ZC4H2: variants seen among roughly 807,000 people sequenced by gnomAD.
The protein encoded by ZC4H2 is zinc finger C4H2 domain-containing protein.
For synonymous variants in ZC4H2, 84 were observed against 66.3 expected, an observed-to-expected ratio of 1.27 and a Z score of -1.30; for missense variants, 137 against 173.9, an observed-to-expected ratio of 0.79 and a Z score of 1.19.
chrX:64,976,632 T>C (rs1389373680), upstream of ZC4H2: 7 of 399,393 alleles, frequency 1.8e-5, no homozygotes, highest in Non-Finnish European at 3.1e-5. Flanking sequence ...TAAATCAATT[T>C]GTTATAGATA....
At chrX:64,928,476 G>T (rs1929531062) in intron 1 of ZC4H2, among the ~76,000 whole-genome samples, 1 of 111,518 alleles carries the variant, frequency 9.0e-6, no homozygotes, top group Non-Finnish European at 1.9e-5. Context: ...TGTTCCATTG[G>T]TCTATATATC....
chrX:64,934,211 T>A (rs977236421), intron 1 of ZC4H2, among the ~76,000 whole-genome samples: 1 of 112,419 alleles, frequency 8.9e-6, no homozygotes, highest in African/African-American at 3.2e-5. Context: ...GAGAAACAGA[T>A]TGCAGTGACT....
intron 1 of ZC4H2, among the ~76,000 whole-genome samples, chrX:65,001,182 G>A (rs1475767923): frequency 9.0e-6 from 1 of 111,422 alleles, no homozygotes; most frequent in Non-Finnish European, 1.9e-5. Flanking sequence ...AGGGCAGCCA[G>A]AGAGAAAGGT....
intron 1 of ZC4H2, among the ~76,000 whole-genome samples, chrX:64,942,432 C>A (rs1930332344): frequency 9.1e-6 from 1 of 110,188 alleles, no homozygotes; most frequent in Admixed American, 9.7e-5. Flanking sequence ...CTGCACCCAT[C>A]AACCTGTCAT....
chrX:64,958,536 T>C (rs1931252397), intron 1 of ZC4H2, among the ~76,000 whole-genome samples: 1 of 111,764 alleles, frequency 8.9e-6, no homozygotes, highest in Non-Finnish European at 1.9e-5. Flanking sequence ...ATCAACCACA[T>C]TTTATCTGTT....
chrX:64,952,136 C>T (rs952161245), intron 1 of ZC4H2, among the ~76,000 whole-genome samples: 15 of 110,273 alleles, frequency 1.4e-4, no homozygotes, highest in African/African-American at 4.3e-4. Flanking sequence ...TTTCTGAGGG[C>T]TCTGTTCTGT....
At chrX:65,005,979 C>A (rs940341001) in intron 1 of ZC4H2, among the ~76,000 whole-genome samples, 18 of 111,740 alleles carry the variant, frequency 1.6e-4, no homozygotes, top group African/African-American at 5.5e-4. Context: ...CACTGGTCTT[C>A]AGAGAAATGC....
intron 1 of ZC4H2, among the ~76,000 whole-genome samples, chrX:64,982,387 T>C (rs748555957): frequency 8.9e-6 from 1 of 112,131 alleles, no homozygotes; most frequent in East Asian, 2.8e-4. Flanking sequence ...CAGAGCTGTT[T>C]AATGATTAAA....
rs752424904 is a variant in ZC4H2 at position 64,989,193 on chromosome X, G to A, written c.-272+45436C>T. Among the ~76,000 whole-genome samples the A allele has an allele frequency of 6.2e-4, 69 of 111,817 alleles. 1 individual carries two copies. In the East Asian group the frequency reaches 0.019, roughly 31 times the overall value. Reference sequence around the variant, plus strand: ...GTTCTTTTGGCTTAGGATTGACTTGGCAATGCGGGCTCTTCTTTGGTTCCA... The same window carrying A: ...GTTCTTTTGGCTTAGGATTGACTTGACAATGCGGGCTCTTCTTTGGTTCCA... On this transcript the variant is annotated intron_variant, in intron 1 of 4. Transcript: ENST00000337990.
intron 1 of ZC4H2, among the ~76,000 whole-genome samples, chrX:64,989,141 G>T (rs1932255529): frequency 8.9e-6 from 1 of 111,802 alleles, no homozygotes; most frequent in South Asian, 3.7e-4. Flanking sequence ...ATAGTTTGAA[G>T]TCAGGTAGCG....
intron 1 of ZC4H2, among the ~76,000 whole-genome samples, chrX:64,988,151 T>A (rs1308093595): frequency 9.1e-6 from 1 of 110,305 alleles, no homozygotes; most frequent in East Asian, 2.9e-4. Context: ...ACATTTGGGT[T>A]GGTTCCAAGT....
intron 1 of ZC4H2, among the ~76,000 whole-genome samples, chrX:65,025,642 T>C (rs1347817947): frequency 1.8e-5 from 2 of 111,312 alleles, no homozygotes; most frequent in Non-Finnish European, 3.8e-5. Flanking sequence ...TTTTTATCCA[T>C]AGAGTCCATA....
intron 1 of ZC4H2, among the ~76,000 whole-genome samples, chrX:65,023,340 C>T (rs776265868): frequency 4.5e-5 from 5 of 111,707 alleles, no homozygotes; most frequent in Non-Finnish European, 9.4e-5. Context: ...TAACTGAATA[C>T]ACTTTATTTC....
chrX:65,003,825 C>G (rs1334104639), intron 1 of ZC4H2, among the ~76,000 whole-genome samples: 3 of 107,902 alleles, frequency 2.8e-5, no homozygotes, highest in Non-Finnish European at 5.8e-5. Context: ...TGCAGTAAAC[C>G]AAGATCGCAC....
intron 1 of ZC4H2, among the ~76,000 whole-genome samples, chrX:64,997,094 G>A (rs193242060): frequency 8.9e-6 from 1 of 112,072 alleles, no homozygotes; most frequent in African/African-American, 3.2e-5. Flanking sequence ...AATCTTGAAA[G>A]CAACAAGAGA....
chrX:64,952,558 C>T (rs1454256570), intron 1 of ZC4H2, among the ~76,000 whole-genome samples: 1 of 111,025 alleles, frequency 9.0e-6, no homozygotes, highest in Admixed American at 9.6e-5. Context: ...TGAGTGAACT[C>T]CCTTTCACAG....
rs966816798 is a variant in ZC4H2 at position 64,926,286 on chromosome X, G to A, written c.54-4298C>T. 9.8e-5 allele frequency among the ~76,000 whole-genome samples: 11 copies of A among 112,021 alleles called. No individual in the cohort carries two copies. The South Asian group carries it at 1.5e-3, about 15-fold the overall frequency. On this transcript the variant is annotated intron_variant, in intron 1 of 4. Coordinates refer to ENST00000374839, the MANE Select transcript of ZC4H2 (RefSeq NM_018684.4). ...TTGGTCTACTCTTTATTACCACCAT[G>A]CAATGGCAATCTCAAACAATGTCTA...
intron 1 of ZC4H2, among the ~76,000 whole-genome samples, chrX:64,957,351 C>A (rs190176584): frequency 1.8e-5 from 2 of 112,123 alleles, no homozygotes; most frequent in Admixed American, 1.9e-4. Context: ...CTGCCCAATT[C>A]ATGAATCATT....
chrX:64,951,602 T>C (rs1404524326), intron 1 of ZC4H2, among the ~76,000 whole-genome samples: 4 of 112,350 alleles, frequency 3.6e-5, no homozygotes, highest in African/African-American at 9.8e-5. Flanking sequence ...ATGTCTTCTT[T>C]TGAGAAGTGT....
Sources: gnomAD v4.1 joint callset for allele counts (sites outside exome capture counted in the v4.1 genomes callset) on GRCh38, gnomAD v4.1.1 for gene constraint, MANE v1.5 for transcripts, NCBI Gene and HGNC (gene_info 2026-07-23, HGNC 2026-07-21) for gene names.